Variants in KASH5 observed in about 807,000 individuals in gnomAD.
KASH5 encodes KASH domain containing 5, also known as protein KASH5.
A neutral mutation model predicts 84.2 loss-of-function variants in KASH5; 72 were observed. The ratio of observed to expected loss-of-function variants is 0.85; its 90% CI spans 0.71 to 1.04. The LOEUF (loss-of-function observed/expected upper bound fraction) is 1.04. Ranked by LOEUF, KASH5 falls within the 50% of genes least tolerant of loss-of-function variation. KASH5 has a pLI of 0.00. For missense variants in KASH5, 650 were observed against 701.0 expected (o/e 0.93, Z 0.82); for synonymous variants, 260 against 279.1 (o/e 0.93, Z 0.68).
rs2122256650 is a variant in KASH5 at position 49,417,621 on chromosome 19, A to C, written c.*111A>C. The stretch of plus-strand genomic sequence containing the variant: ...TGTTGCGCAGGCTTACCCTAGATAG[A>C]GTACAGGGGATCCACATCCCTGTAT... On this transcript the variant is annotated 3_prime_UTR_variant, in exon 20 of 20. Transcript: ENST00000447857. This position sits in a 1 kb window ranked among gnomAD's most constrained non-coding sequence, Gnocchi z 5.2. The C allele has an allele frequency of 7.8e-7, 1 of 1,289,426 alleles. No homozygotes were observed. The highest frequency in any genetic ancestry group is 2.0e-5 in the South Asian group (1 of 51,262). 79.9% of individuals were successfully genotyped at this position (1,289,426 alleles called of 1,614,324 possible).
At position 49,402,156 on chromosome 19, in the gene KASH5, C is replaced by T. The variant is rs557990413; in HGVS notation, c.798+2649C>T. Among the ~76,000 whole-genome samples the T allele has an allele frequency of 3.3e-5, 5 of 151,912 alleles. No individual in the cohort carries two copies. In the East Asian group the frequency reaches 5.8e-4, roughly 18 times the overall value. On this transcript the variant is annotated intron_variant, in intron 9 of 19. Coordinates refer to ENST00000447857, the MANE Select transcript of KASH5 (RefSeq NM_144688.5). Reference sequence around the variant, plus strand: ...ACTCGGGAGGCTGAGGCAGGAGAATCGCTTGAACCCAGGAGGCAGAGGTTG... The same window carrying T: ...ACTCGGGAGGCTGAGGCAGGAGAATTGCTTGAACCCAGGAGGCAGAGGTTG...
At chr19:49,409,163 G>A (rs777807143) in intron 13 of KASH5, 33 bp from the exon 14 acceptor site, 1 of 1,609,042 alleles carries the variant, frequency 6.2e-7, no homozygotes, top group Admixed American at 1.7e-5. Context: ...CAGGCACAGA[G>A]GCCATCTTCC....
intron 17 of KASH5, 181 bp downstream of exon 17, chr19:49,415,177 G>A: frequency 1.0e-5 from 7 of 674,646 alleles, no homozygotes; most frequent in East Asian, 5.6e-5. Context: ...ATGGTGAGGT[G>A]GGGGGAGGCC....
intron 2 of KASH5, among the ~76,000 whole-genome samples, chr19:49,392,108 A>G (rs952487595): frequency 6.6e-6 from 1 of 152,132 alleles, no homozygotes; most frequent in African/African-American, 2.4e-5. Flanking sequence ...AAGGGCTGAG[A>G]CAGCTTCGAG....
chr19:49,415,270 T>C, intron 17 of KASH5: 1 of 538,626 alleles, frequency 1.9e-6, no homozygotes, highest in East Asian at 3.2e-5. Flanking sequence ...ACCGCAGGCC[T>C]CATAGACGTG....
intron 12 of KASH5, among the ~76,000 whole-genome samples, chr19:49,408,079 C>G (rs1974589023): frequency 6.6e-6 from 1 of 152,098 alleles, no homozygotes; most frequent in Non-Finnish European, 1.5e-5. Flanking sequence ...GCATGCCCAG[C>G]TAATTTTTGT....
chr19:49,414,433 C>T lies in KASH5; in HGVS notation c.1329-518C>T, dbSNP rs1478348402. Among the ~76,000 whole-genome samples, 2 of 151,996 alleles carry T rather than the reference C, an allele frequency of 1.3e-5. No individual in the cohort carries two copies. The highest frequency in any genetic ancestry group is 2.9e-5 in the Non-Finnish European group (2 of 67,976). On this transcript the variant is annotated intron_variant, in intron 16 of 19. Transcript: ENST00000447857. The surrounding 1 kb of genome is among the most constrained non-coding windows in gnomAD (Gnocchi z 4.5). Reference sequence around the variant, plus strand: ...CAGTGACAGTCATTGAAAAATGGCTCAACCCACTAGACAGGAAGGGGGTTT... The same window carrying T: ...CAGTGACAGTCATTGAAAAATGGCTTAACCCACTAGACAGGAAGGGGGTTT...
rs373838231 is a variant in KASH5 at position 49,398,082 on chromosome 19, G to A, written c.568G>A (p.Ala190Thr). Residue 190 changes from alanine (A) to threonine (T), a missense_variant, in exon 7 of 20, where the codon GCT (alanine) becomes ACT (threonine). Ala to Thr is a moderately conservative substitution (Grantham distance 58). Coordinates refer to ENST00000447857, the MANE Select transcript of KASH5 (RefSeq NM_144688.5). Reference protein sequence around the residue: ...NAKLQRSMETAEEGSARLGEE... With the variant: ...NAKLQRSMETTEEGSARLGEE... ...CAAATTGCAGCGGAGCATGGAGACA[G>A]CTGAGGAGGGGTCAGCACGCCTTGG... 102 of 1,612,736 alleles carry A rather than the reference G, an allele frequency of 6.3e-5. No individual in the cohort carries two copies. Among genetic ancestry groups the A allele is most frequent in the Non-Finnish European group, 7.5e-5 (89 of 1,179,018 alleles).
chr19:49,413,333 C>T (rs1974787861), intron 16 of KASH5, among the ~76,000 whole-genome samples: 1 of 152,200 alleles, frequency 6.6e-6, no homozygotes, highest in African/African-American at 2.4e-5. Context: ...AGGTACTTTG[C>T]AGTCAGGCTG....
chr19:49,396,430 T>G (rs1387272184), intron 5 of KASH5, among the ~76,000 whole-genome samples: 1 of 152,068 alleles, frequency 6.6e-6, no homozygotes, highest in Non-Finnish European at 1.5e-5. Flanking sequence ...AATTTTGTAT[T>G]TTTCATAGAG....
intron 10 of KASH5, 107 bp downstream of exon 10, chr19:49,407,070 G>C: frequency 1.5e-6 from 2 of 1,313,404 alleles, no homozygotes; most frequent in Non-Finnish European, 2.1e-6. Context: ...CTTCCATCAA[G>C]CTGTCAGGCT....
In KASH5 at chr19:49,414,936, T is replaced by A; in HGVS notation, c.1329-15T>A. The A allele has an allele frequency of 6.2e-7, 1 of 1,611,508 alleles. No homozygotes were observed. Among genetic ancestry groups the A allele is most frequent in the Non-Finnish European group, 8.5e-7 (1 of 1,179,024 alleles). ...AGAAGAGGACGAAGCCAGCAGTGAC[T>A]TTGTTGGCCCTCAGGTTGACCAGAA... On this transcript the variant is annotated splice_polypyrimidine_tract_variant and intron_variant, in intron 16 of 19. Transcript: ENST00000447857. The surrounding 1 kb of genome is among the most constrained non-coding windows in gnomAD (Gnocchi z 4.5).
rs930426166 is a variant in KASH5, at chr19:49,415,010, A to G, written c.1374+14A>G. ...AGCCAGGTCACGGTAGGCAGTCCCC[A>G]GCACCCCTCCCCAGTCCCCATCCAC... On this transcript the variant is annotated intron_variant, in intron 17 of 19. Coordinates refer to ENST00000447857, the MANE Select transcript of KASH5 (RefSeq NM_144688.5). The G allele has an allele frequency of 1.9e-6, 3 of 1,609,642 alleles. No individual in the cohort carries two copies. The African/African-American group carries it at 4.0e-5, about 22-fold the overall frequency.
chr19:49,412,821 GA>G lies in KASH5; in HGVS notation c.1270-145del. The G allele has an allele frequency of 1.4e-6, 1 of 690,850 alleles. No individual in the cohort carries two copies. Among genetic ancestry groups the G allele is most frequent in the Non-Finnish European group, 2.5e-6 (1 of 401,964 alleles). The allele number at this position is 690,850 out of a possible 1,614,324, so 42.8% of individuals were successfully genotyped here. Reference sequence around the variant, plus strand: ...CAGCACGAGAGGAGGGCAGGTTGTAGAAGGTGGTGAATTCATGTGTAGGTTG... The same window carrying G: ...CAGCACGAGAGGAGGGCAGGTTGTAGAGGTGGTGAATTCATGTGTAGGTTG... On this transcript the variant is annotated intron_variant, in intron 15 of 19. Transcript: ENST00000447857. The surrounding 1 kb of genome is among the most constrained non-coding windows in gnomAD (Gnocchi z 4.6).
chr19:49,394,462 T>C lies in KASH5; in HGVS notation c.44-14T>C. ...TTCTTCCCACTGGTGAGCTGAGCCC[T>C]CTTGTCTCCCCAGTGTACCTCCGGG... On this transcript the variant is annotated splice_polypyrimidine_tract_variant and intron_variant, in intron 2 of 19. Coordinates refer to ENST00000447857, the MANE Select transcript of KASH5 (RefSeq NM_144688.5). 1 of 1,607,544 alleles carries C rather than the reference T, an allele frequency of 6.2e-7. No individual in the cohort carries two copies. The highest frequency in any genetic ancestry group is 8.5e-7 in the Non-Finnish European group (1 of 1,174,286).
chr19:49,399,329 A>T lies in KASH5; in HGVS notation c.748-128A>T. On this transcript the variant is annotated intron_variant, in intron 8 of 19. Transcript: ENST00000447857. This position sits in a 1 kb window ranked among gnomAD's most constrained non-coding sequence, Gnocchi z 4.4. ...TCCTTCTCATGACAAAGGAGACAGC[A>T]GGAGCCATCAGGGCTTCCCAGACCC... 9.9e-7 allele frequency: 1 copy of T among 1,007,222 alleles called. No homozygotes were observed. Among genetic ancestry groups the T allele is most frequent in the Non-Finnish European group, 1.5e-6 (1 of 672,776 alleles). 62.4% of individuals were successfully genotyped at this position (1,007,222 alleles called of 1,614,324 possible). A position where few individuals can be genotyped will look rare whatever the true frequency, so the allele number is the denominator to read the frequency against.
At chr19:49,415,288 C>T (rs1178510443) in intron 17 of KASH5, 7 of 505,164 alleles carry the variant, frequency 1.4e-5, no homozygotes, top group Non-Finnish European at 2.5e-5. Flanking sequence ...GTGGCTACAC[C>T]CCCGGATTGC....
chr19:49,401,681 T>C (rs1251506237), intron 9 of KASH5, among the ~76,000 whole-genome samples: 1 of 152,182 alleles, frequency 6.6e-6, no homozygotes, highest in Non-Finnish European at 1.5e-5. Flanking sequence ...TTTCAGCCTA[T>C]TCTCTTCTCT....
At position 49,399,626 on chromosome 19, in the gene KASH5, G is replaced by A. The variant is rs1362056433; in HGVS notation, c.798+119G>A. 1.9e-6 allele frequency: 3 copies of A among 1,539,436 alleles called. No homozygotes were observed. In the African/African-American group the frequency reaches 4.1e-5, roughly 21 times the overall value. On this transcript the variant is annotated intron_variant, in intron 9 of 19. Transcript: ENST00000447857. This position sits in a 1 kb window ranked among gnomAD's most constrained non-coding sequence, Gnocchi z 4.4. The stretch of plus-strand genomic sequence containing the variant: ...GTCTTGGGGAGACCTCAGAATGTCA[G>A]TAGTGTGGGAATGTCCCTGAGGTTA...
Sources: gnomAD v4.1 joint callset for allele counts (sites outside exome capture counted in the v4.1 genomes callset) on GRCh38, gnomAD v4.1.1 for gene constraint, Gnocchi (gnomAD v3.1) non-coding constraint, MANE v1.5 for transcripts, NCBI Gene and HGNC (gene_info 2026-07-23, HGNC 2026-07-21) for gene names.